NPNT: variants seen among roughly 807,000 people sequenced by gnomAD.
NPNT encodes nephronectin, also known as preosteoblast EGF-like repeat protein with MAM domain.
A neutral mutation model predicts 68.6 loss-of-function variants in NPNT; 45 were observed. The observed-to-expected ratio is 0.66, with a 90% CI of 0.52 to 0.84. NPNT has a LOEUF of 0.84. NPNT is among the 40% of genes least tolerant of loss of function. The pLI is 0.00. For missense variants in NPNT, 672 were observed against 714.8 expected (o/e 0.94, Z 0.68); for synonymous variants, 233 against 253.3 (o/e 0.92, Z 0.76).
chr4:105,964,552 AT>A (rs1731972241), intron 10 of NPNT, among the ~76,000 whole-genome samples: 1 of 152,182 alleles, frequency 6.6e-6, no homozygotes, highest in East Asian at 1.9e-4. Flanking sequence ...TTATAAAAGT[AT>A]TTTCAAAATC....
At chr4:105,934,308 A>G (rs1174088020) in intron 3 of NPNT, among the ~76,000 whole-genome samples, 3 of 152,216 alleles carry the variant, frequency 2.0e-5, no homozygotes, top group East Asian at 1.9e-4. Context: ...GTCAATGAGA[A>G]AAGAAGGTAA....
chr4:105,907,815 T>C (rs1727033469), intron 2 of NPNT, among the ~76,000 whole-genome samples: 1 of 152,178 alleles, frequency 6.6e-6, no homozygotes, highest in Non-Finnish European at 1.5e-5. Context: ...TTTTTAAGTT[T>C]TCTGATTTTA....
intron 8 of NPNT, among the ~76,000 whole-genome samples, chr4:105,949,315 A>C (rs114994809): frequency 6.6e-6 from 1 of 152,198 alleles, no homozygotes; most frequent in African/African-American, 2.4e-5. Context: ...ATTAGAGTTT[A>C]CTGGAATCAA....
chr4:105,955,982 A>G (rs1482634916), intron 8 of NPNT, among the ~76,000 whole-genome samples: 3 of 152,128 alleles, frequency 2.0e-5, no homozygotes, highest in African/African-American at 7.2e-5. Flanking sequence ...AATTCCTTGG[A>G]ATGTTTCCCA....
intron 8 of NPNT, among the ~76,000 whole-genome samples, chr4:105,952,440 A>G (rs546252247): frequency 7.2e-4 from 110 of 152,372 alleles, no homozygotes; most frequent in African/African-American, 2.5e-3. Flanking sequence ...TGTGAAAATA[A>G]TGACAATAGT....
In NPNT at chr4:105,956,979, A is replaced by G. The variant is rs150034519; in HGVS notation, c.1160-1492A>G. Among the ~76,000 whole-genome samples, 1,446 of 152,360 alleles carry G rather than the reference A, an allele frequency of 9.5e-3. 6 individuals carry two copies. Among genetic ancestry groups the G allele is most frequent in the Non-Finnish European group, 0.013 (882 of 68,022 alleles). On this transcript the variant is annotated intron_variant, in intron 8 of 11. Transcript: ENST00000379987. ...TGCAAACGTTCTGGGATTATTACTT[A>G]ATTTTAAGAATTTTTGCTAAAAACA...
intron 8 of NPNT, among the ~76,000 whole-genome samples, chr4:105,944,117 G>A (rs549619530): frequency 5.3e-5 from 8 of 152,312 alleles, no homozygotes; most frequent in Admixed American, 3.3e-4. Context: ...ATATAGTCAT[G>A]TATGTTTTGG....
intron 8 of NPNT, among the ~76,000 whole-genome samples, chr4:105,947,886 T>C (rs1353150690): frequency 2.6e-5 from 4 of 152,186 alleles, no homozygotes; most frequent in East Asian, 1.9e-4. Context: ...ATCATTTCTC[T>C]TTGTTGCAAA....
chr4:105,926,907 TGTTTA>T (rs1431587811), intron 2 of NPNT, among the ~76,000 whole-genome samples: 1 of 152,338 alleles, frequency 6.6e-6, no homozygotes, highest in East Asian at 1.9e-4. Flanking sequence ...AAATATTTTA[TGTTTA>T]GTTAGAAATT....
intron 8 of NPNT, among the ~76,000 whole-genome samples, chr4:105,955,818 GT>G (rs1731185906): frequency 6.6e-6 from 1 of 151,646 alleles, no homozygotes; most frequent in African/African-American, 2.4e-5. Flanking sequence ...GGGGTGGGTA[GT>G]TTTTTTTCTC....
intron 1 of NPNT, among the ~76,000 whole-genome samples, chr4:105,896,308 A>C (rs2149305680): frequency 6.6e-6 from 1 of 152,034 alleles, no homozygotes; most frequent in South Asian, 2.1e-4. Context: ...TGTGAGCATG[A>C]GTGTGTGGAT....
In NPNT at chr4:105,938,374, C is replaced by A; in HGVS notation, c.459C>A (p.Cys153Ter). 1 of 1,613,228 alleles carries A rather than the reference C, an allele frequency of 6.2e-7. No homozygotes were observed. Among genetic ancestry groups the A allele is most frequent in the Non-Finnish European group, 8.5e-7 (1 of 1,179,324 alleles). Residue 153 changes from cysteine to a stop codon, truncating the protein, a stop_gained, in exon 5 of 12, where the codon TGC (cysteine) becomes TGA (stop). Coordinates refer to ENST00000379987, the MANE Select transcript of NPNT (RefSeq NM_001033047.3). LOFTEE classifies it high-confidence loss of function. ...TTAAAGGACAAATACGGTGCCAGTG[C>A]CCATCCCCTGGCCTGCAGCTGGCTC... ...DVVKGQIRCQ[C>*]PSPGLQLAPD... is the part of the protein sequence containing the mutation.
At chr4:105,956,488 A>G (rs1731237376) in intron 8 of NPNT, among the ~76,000 whole-genome samples, 1 of 152,056 alleles carries the variant, frequency 6.6e-6, no homozygotes, top group South Asian at 2.1e-4. Flanking sequence ...AAAAAGACGG[A>G]GGGGAGCTTG....
At position 105,942,500 on chromosome 4, in the gene NPNT, A is replaced by T; in HGVS notation, c.957A>T (p.Thr319=). The change falls in exon 8 of 12, where the codon ACA becomes ACT. Residue 319 remains threonine, a synonymous_variant. Coordinates refer to ENST00000379987, the MANE Select transcript of NPNT (RefSeq NM_001033047.3). ...CTTCTAAGCCAACAACAAGACCTAC[A>T]CCAAAGCCAACACCAATTCCTACTC... The part of the protein sequence containing the change: ...RPTSKPTTRP[T]PKPTPIPTPP... 6.2e-7 allele frequency: 1 copy of T among 1,613,830 alleles called. No individual in the cohort carries two copies. The highest frequency in any genetic ancestry group is 8.5e-7 in the Non-Finnish European group (1 of 1,179,948).
chr4:105,970,750 A>G lies in NPNT; in HGVS notation c.*1760A>G, dbSNP rs1232035822. On this transcript the variant is annotated 3_prime_UTR_variant, in exon 12 of 12. Coordinates refer to ENST00000379987, the MANE Select transcript of NPNT (RefSeq NM_001033047.3). ...GTTCTTACCCAAGGAAAAGTAACAA[A>G]TTATAGAATTTCCCAAAAGATGTTT... 1 of 376,794 alleles carries G rather than the reference A, an allele frequency of 2.7e-6. No individual in the cohort carries two copies. The highest frequency in any genetic ancestry group is 2.1e-5 in the African/African-American group (1 of 48,102). The allele number at this position is 376,794 out of a possible 1,614,324, so 23.3% of individuals were successfully genotyped here. A position where few individuals can be genotyped will look rare whatever the true frequency, so the allele number is the denominator to read the frequency against.
intron 2 of NPNT, chr4:105,912,305 T>C: frequency 9.4e-7 from 1 of 1,063,820 alleles, no homozygotes; most frequent in Non-Finnish European, 1.4e-6. Context: ...ACCTTCTAAA[T>C]AATTTTACAA....
intron 2 of NPNT, among the ~76,000 whole-genome samples, chr4:105,902,332 T>G (rs1271330861): frequency 6.6e-6 from 1 of 152,226 alleles, no homozygotes. Context: ...CAACTTCCAT[T>G]GAACATGAGT....
chr4:105,956,769 G>A (rs1179628749), intron 8 of NPNT, among the ~76,000 whole-genome samples: 1 of 152,196 alleles, frequency 6.6e-6, no homozygotes, highest in Non-Finnish European at 1.5e-5. Context: ...CTATAAAAGA[G>A]AGAGTGGGGT....
Position 105,967,371 on chromosome 4 carries a change from C to T in NPNT, c.1529C>T (p.Ala510Val), listed in dbSNP as rs1337594827. 1 of 1,607,352 alleles carries T rather than the reference C, an allele frequency of 6.2e-7. No homozygotes were observed. The highest frequency in any genetic ancestry group is 1.7e-5 in the Admixed American group (1 of 58,982). ...FVRKHGAHGA[A>V]LWGRNGGHGW... The stretch of plus-strand genomic sequence containing the variant: ...AGAAAACACGGTGCCCACGGAGCAG[C>T]CCTGTGGGGAAGAAATGGTGGCCAT... The change falls in exon 11 of 12, where the codon GCC (alanine) becomes GTC (valine). Residue 510 changes from alanine to valine, a missense_variant. Transcript: ENST00000379987.
Sources: allele counts gnomAD v4.1 joint callset (sites outside exome capture counted in the v4.1 genomes callset), GRCh38; gene constraint gnomAD v4.1.1; transcripts MANE v1.5; gene names NCBI Gene and HGNC (gene_info 2026-07-23, HGNC 2026-07-21).